The following NECTIN3 variants were observed in gnomAD, a reference collection of about 807,000 sequenced individuals.
The protein encoded by NECTIN3 is nectin-3.
In NECTIN3, 8 loss-of-function variants were observed where a neutral mutation model predicts 49.4. That is an observed-to-expected ratio of 0.16 (90% CI 0.10 to 0.29). The LOEUF (loss-of-function observed/expected upper bound fraction) is 0.29. Among genes scored for constraint, NECTIN3 ranks in the 10% least tolerant of loss-of-function variants. NECTIN3 has a pLI of 1.00. For synonymous variants in NECTIN3, 277 were observed against 241.1 expected (o/e 1.15, Z -1.38); for missense variants, 581 against 654.6 (o/e 0.89, Z 1.23).
intron 1 of NECTIN3, among the ~76,000 whole-genome samples, chr3:111,101,499 TA>T (rs1215472722): frequency 6.6e-6 from 1 of 152,148 alleles, no homozygotes; most frequent in Non-Finnish European, 1.5e-5. Context: ...CGTAAACTTT[TA>T]AAAATTATTT....
At chr3:111,129,683 C>T (rs1225552302) in intron 5 of NECTIN3, among the ~76,000 whole-genome samples, 5 of 151,570 alleles carry the variant, frequency 3.3e-5, no homozygotes, top group Non-Finnish European at 7.4e-5. Context: ...CAGTCTCGCT[C>T]TGTCGCCCAG....
chr3:111,138,957 T>C (rs2034671908), downstream of NECTIN3, among the ~76,000 whole-genome samples: 1 of 151,526 alleles, frequency 6.6e-6, no homozygotes, highest in South Asian at 2.1e-4. Flanking sequence ...TGGGCCTTTC[T>C]TAAAAAACAA....
At chr3:111,072,510 C>T (rs1020503164) in intron 1 of NECTIN3, 4 of 1,535,934 alleles carry the variant, frequency 2.6e-6, no homozygotes, top group Non-Finnish European at 3.5e-6. Context: ...TGGGAACCCT[C>T]GTAGGTTAAG....
intron 5 of NECTIN3, 33 bp downstream of exon 5, chr3:111,126,368 T>TTA: frequency 6.5e-7 from 1 of 1,544,404 alleles, no homozygotes; most frequent in Non-Finnish European, 8.8e-7. Flanking sequence ...AATGAGTTAT[T>TTA]TAAAATATTT....
At chr3:111,075,580 T>A (rs1010917483) in intron 1 of NECTIN3, among the ~76,000 whole-genome samples, 10 of 152,142 alleles carry the variant, frequency 6.6e-5, no homozygotes, top group African/African-American at 2.4e-4. Flanking sequence ...CAGGCTGGTA[T>A]TAGTGATTCT....
At chr3:111,167,360 A>G (rs1401379615) in intron 7 of NECTIN3, among the ~76,000 whole-genome samples, 4 of 152,192 alleles carry the variant, frequency 2.6e-5, no homozygotes, top group Admixed American at 2.6e-4. Context: ...TTTTAAGTAC[A>G]TAATTACTAT....
chr3:111,088,020 A>G (rs753479727), intron 1 of NECTIN3, among the ~76,000 whole-genome samples: 4 of 152,162 alleles, frequency 2.6e-5, no homozygotes, highest in Admixed American at 2.0e-4. Flanking sequence ...TTCTCAGCTT[A>G]GGGAGGTAAT....
intron 5 of NECTIN3, among the ~76,000 whole-genome samples, chr3:111,131,145 T>A (rs2034373567): frequency 6.6e-6 from 1 of 152,052 alleles, no homozygotes; most frequent in South Asian, 2.1e-4. Flanking sequence ...AAATATACCT[T>A]AGAAGACTAA....
chr3:111,098,043 C>A (rs2032690671), intron 1 of NECTIN3, among the ~76,000 whole-genome samples: 1 of 152,122 alleles, frequency 6.6e-6, no homozygotes, highest in African/African-American at 2.4e-5. Flanking sequence ...AGTCTAGATT[C>A]TTCCTTTTCT....
intron 7 of NECTIN3, among the ~76,000 whole-genome samples, chr3:111,162,924 G>A (rs2035243292): frequency 6.6e-6 from 1 of 152,124 alleles, no homozygotes; most frequent in Admixed American, 6.5e-5. Context: ...AAAATCTTTT[G>A]GCTTTCTATT....
At chr3:111,080,046 C>A (rs1237898996) in intron 1 of NECTIN3, among the ~76,000 whole-genome samples, 2 of 151,886 alleles carry the variant, frequency 1.3e-5, no homozygotes, top group African/African-American at 4.8e-5. Context: ...CTGGTATAGA[C>A]CCTACAGTTG....
At chr3:111,126,115 A>G (rs1457777297) in intron 4 of NECTIN3, 69 bp from the exon 5 acceptor site, 3 of 1,148,906 alleles carry the variant, frequency 2.6e-6, no homozygotes, top group Non-Finnish European at 2.3e-6. Context: ...ATAATGCCTC[A>G]TTTTAACTAG....
Position 111,185,378 on chromosome 3 carries a change from TC to T in NECTIN3, c.1222-6970del, listed in dbSNP as rs529722453. ...ATATGTATTTTTCCATGATCTGGGATCCCAGTCCTATACAACACAGTTGTTC... is the reference window on the plus strand; with the variant it reads ...ATATGTATTTTTCCATGATCTGGGATCCAGTCCTATACAACACAGTTGTTC... On this transcript the variant is annotated intron_variant, in intron 7 of 8. Coordinates refer to the NECTIN3 transcript ENST00000493615. Among the ~76,000 whole-genome samples, 27 of 152,298 alleles carry T rather than the reference TC, an allele frequency of 1.8e-4. 1 individual carries two copies. The South Asian group carries it at 5.4e-3, about 30-fold the overall frequency.
At position 111,126,303 on chromosome 3, in the gene NECTIN3, A is replaced by T. The variant is rs1409734620; in HGVS notation, c.1037A>T (p.Gln346Leu). 6.2e-7 allele frequency: 1 copy of T among 1,608,308 alleles called. No homozygotes were observed. Among genetic ancestry groups the T allele is most frequent in the East Asian group, 2.2e-5 (1 of 44,560 alleles). ...YICKVTNSLG[Q>L]RSDQKVIYIS... ...TGTAAAGTGACCAATTCCCTTGGTC[A>T]AAGAAGTGACCAAAAAGTCATCTAC... The change falls in exon 5 of 6, where the codon CAA becomes CTA. Residue 346 changes from glutamine (Q) to leucine (L), a missense_variant. By Grantham distance (113) the Gln-to-Leu change is moderately radical (BLOSUM62 -2). This residue lies in a region of NECTIN3 where 238 missense variants were observed against 244.9 expected (regional missense o/e 0.97). Transcript: ENST00000485303.
intron 3 of NECTIN3, among the ~76,000 whole-genome samples, chr3:111,120,403 C>G (rs1185339118): frequency 6.6e-6 from 1 of 152,104 alleles, no homozygotes; most frequent in East Asian, 1.9e-4. Flanking sequence ...TGTAAACAAA[C>G]TTAAATATTG....
intron 1 of NECTIN3, among the ~76,000 whole-genome samples, chr3:111,091,659 A>G (rs1350519475): frequency 6.6e-6 from 1 of 152,168 alleles, no homozygotes; most frequent in East Asian, 1.9e-4. Flanking sequence ...ATTGTAACTA[A>G]TATTCTGTTA....
intron 2 of NECTIN3, among the ~76,000 whole-genome samples, chr3:111,113,021 G>T (rs753661037): frequency 3.3e-5 from 5 of 152,172 alleles, no homozygotes; most frequent in African/African-American, 7.2e-5. Context: ...ATAGCAACTG[G>T]TGGCTGCTCA....
Position 111,079,727 on chromosome 3 carries a change from ACT to A in NECTIN3, c.160+7553_160+7554del, listed in dbSNP as rs1324203930. ...TAATGGCTACTGCAGTCACTCTAAA[ACT>A]CTGCATTTCTGCTTGTTAAATTTAA... On this transcript the variant is annotated intron_variant, in intron 1 of 5. Coordinates refer to ENST00000485303, the MANE Select transcript of NECTIN3 (RefSeq NM_015480.3). Among the ~76,000 whole-genome samples, 6 of 151,434 alleles carry A rather than the reference ACT, an allele frequency of 4.0e-5. No homozygotes were observed. In the South Asian group the frequency reaches 1.0e-3, roughly 26 times the overall value.
rs907139983 is a variant in NECTIN3 at position 111,177,298 on chromosome 3, T to C, written c.1222-15053T>C. ...ATTTATCTAATTTTTCTCTAATCGA[T>C]ATTTATTATACATGTAGATAAGGAA... On this transcript the variant is annotated intron_variant, in intron 7 of 8. Coordinates refer to the NECTIN3 transcript ENST00000493615. Among the ~76,000 whole-genome samples the C allele has an allele frequency of 1.2e-4, 18 of 152,164 alleles. 1 individual carries two copies. Among genetic ancestry groups the C allele is most frequent in the African/African-American group, 3.9e-4 (16 of 41,454 alleles).
Sources: allele counts gnomAD v4.1 joint callset (sites outside exome capture counted in the v4.1 genomes callset), GRCh38; gene constraint gnomAD v4.1.1; regional missense constraint gnomAD v4.1.1; transcripts MANE v1.5; gene names NCBI Gene and HGNC (gene_info 2026-07-23, HGNC 2026-07-21).